The following ARHGEF3 variants were observed in gnomAD, a reference collection of about 807,000 sequenced individuals.
ARHGEF3 encodes Rho guanine nucleotide exchange factor 3.
In ARHGEF3, 28 loss-of-function variants were observed where a neutral mutation model predicts 63.2. That is an observed-to-expected ratio of 0.44 (90% CI 0.33 to 0.61). The LOEUF (loss-of-function observed/expected upper bound fraction) is 0.61, where lower values mean the gene tolerates loss of function less well. Among genes scored for constraint, ARHGEF3 ranks in the 20% least tolerant of loss-of-function variants. ARHGEF3 has a pLI of 0.03. For missense variants in ARHGEF3, 533 were observed against 659.3 expected (o/e 0.81, Z 2.10); for synonymous variants, 266 against 254.2 (o/e 1.05, Z -0.44).
intron 4 of ARHGEF3, among the ~76,000 whole-genome samples, chr3:56,863,821 A>G (rs2040157206): frequency 6.6e-6 from 1 of 152,158 alleles, no homozygotes; most frequent in Non-Finnish European, 1.5e-5. Context: ...GAAAGGACAC[A>G]ATTCATCTAT....
At chr3:56,788,953 C>T (rs373399713) in intron 1 of ARHGEF3, among the ~76,000 whole-genome samples, 1 of 152,198 alleles carries the variant, frequency 6.6e-6, no homozygotes, top group East Asian at 1.9e-4. Flanking sequence ...GGAGCTACCT[C>T]CTAGCAGATG....
chr3:56,800,783 T>C (rs1237255722), intron 1 of ARHGEF3, among the ~76,000 whole-genome samples: 1 of 152,182 alleles, frequency 6.6e-6, no homozygotes, highest in Non-Finnish European at 1.5e-5. Context: ...GATACACGCA[T>C]GAGCGGCAAT....
intron 3 of ARHGEF3, among the ~76,000 whole-genome samples, chr3:56,936,884 T>G (rs1202840472): frequency 6.6e-6 from 1 of 152,178 alleles, no homozygotes; most frequent in Admixed American, 6.5e-5. Flanking sequence ...CAAGCCTGGC[T>G]AATTTTTGTA....
At chr3:57,041,959 C>A (rs113701164) in intron 1 of ARHGEF3, among the ~76,000 whole-genome samples, 2 of 152,132 alleles carry the variant, frequency 1.3e-5, no homozygotes, top group Non-Finnish European at 1.5e-5. Flanking sequence ...CCACCACCCC[C>A]GAGGGCTGAT....
intron 4 of ARHGEF3, among the ~76,000 whole-genome samples, chr3:56,858,486 G>A (rs1246895320): frequency 6.6e-6 from 1 of 152,190 alleles, no homozygotes; most frequent in Non-Finnish European, 1.5e-5. Flanking sequence ...CAAGATGCTA[G>A]AGATTATAAC....
At chr3:56,821,647 A>G (rs1438299971) in intron 4 of ARHGEF3, among the ~76,000 whole-genome samples, 2 of 152,148 alleles carry the variant, frequency 1.3e-5, no homozygotes, top group Admixed American at 1.3e-4. Flanking sequence ...TCTTAGCCCA[A>G]TATCTCTACA....
At chr3:56,738,361 C>T (rs2033782850) in intron 7 of ARHGEF3, among the ~76,000 whole-genome samples, 1 of 151,330 alleles carries the variant, frequency 6.6e-6, no homozygotes, top group Admixed American at 6.6e-5. Flanking sequence ...TTGGTAGAGA[C>T]GGGTTTCACC....
intron 2 of ARHGEF3, among the ~76,000 whole-genome samples, chr3:57,012,066 G>A (rs1702724745): frequency 6.6e-6 from 1 of 152,160 alleles, no homozygotes; most frequent in African/African-American, 2.4e-5. Context: ...CTCCCAACGA[G>A]CTGTGCCAAG....
chr3:56,994,617 C>G (rs1701901578), intron 2 of ARHGEF3, among the ~76,000 whole-genome samples: 1 of 151,740 alleles, frequency 6.6e-6, no homozygotes, highest in East Asian at 1.9e-4. Context: ...TTACCATATG[C>G]CTTAATTGTC....
chr3:56,977,410 T>C, intron 2 of ARHGEF3: 2 of 431,792 alleles, frequency 4.6e-6, no homozygotes, highest in Non-Finnish European at 9.3e-6. Context: ...AGCATTGCCA[T>C]GCTGCCGCCA....
intron 8 of ARHGEF3, among the ~76,000 whole-genome samples, chr3:56,732,755 A>G (rs537708427): frequency 6.6e-5 from 10 of 152,320 alleles, no homozygotes; most frequent in Admixed American, 6.5e-4. Flanking sequence ...CCCAGCTCCT[A>G]TAAGAAAAAA....
At chr3:56,920,215 C>T (rs1051304396) in intron 3 of ARHGEF3, among the ~76,000 whole-genome samples, 2 of 152,168 alleles carry the variant, frequency 1.3e-5, no homozygotes, top group East Asian at 1.9e-4. Flanking sequence ...TATTTATACA[C>T]AGGAAACTAC....
rs1441949789 is a variant in ARHGEF3 at position 56,967,495 on chromosome 3, A to T, written c.63-8606T>A. ...TAATATATTATATAATATATTAAATATATTACATAATATATAATATAATAT... is the reference window on the plus strand; with the variant it reads ...TAATATATTATATAATATATTAAATTTATTACATAATATATAATATAATAT... On this transcript the variant is annotated intron_variant, in intron 2 of 12. Coordinates refer to the ARHGEF3 transcript ENST00000338458. Among the ~76,000 whole-genome samples, 8 of 88,316 alleles carry T rather than the reference A, an allele frequency of 9.1e-5. No individual in the cohort carries two copies. The Admixed American group carries it at 1.7e-3, about 19-fold the overall frequency. 57.9% of individuals were successfully genotyped at this position (88,316 alleles called of 152,430 possible).
At position 56,973,076 on chromosome 3, in the gene ARHGEF3, G is replaced by A. The variant is rs551389534; in HGVS notation, c.63-14187C>T. Among the ~76,000 whole-genome samples the A allele has an allele frequency of 2.0e-5, 3 of 151,852 alleles. No homozygotes were observed. The East Asian group carries it at 5.8e-4, about 29-fold the overall frequency. ...CTGTCGCCCAGGCTGGAGTGCAGTGGTGCGATTTTGGCTCACTATAAGCTC... is the reference window on the plus strand; with the variant it reads ...CTGTCGCCCAGGCTGGAGTGCAGTGATGCGATTTTGGCTCACTATAAGCTC... On this transcript the variant is annotated intron_variant, in intron 2 of 12. Transcript: ENST00000338458.
At chr3:57,027,155 T>C (rs1281739297) in intron 2 of ARHGEF3, among the ~76,000 whole-genome samples, 1 of 152,218 alleles carries the variant, frequency 6.6e-6, no homozygotes, top group East Asian at 1.9e-4. Flanking sequence ...TAAGCATTTC[T>C]TACCACACTG....
intron 4 of ARHGEF3, among the ~76,000 whole-genome samples, chr3:56,842,315 CA>C (rs1371295029): frequency 1.3e-5 from 2 of 152,148 alleles, no homozygotes; most frequent in Admixed American, 6.6e-5. Flanking sequence ...GTCCAGCTAG[CA>C]GATCTTTCTT....
At chr3:57,054,474 A>G (rs1704816081) in intron 1 of ARHGEF3, among the ~76,000 whole-genome samples, 2 of 139,546 alleles carry the variant, frequency 1.4e-5, no homozygotes, top group Non-Finnish European at 1.6e-5. Context: ...TACAAAAAAT[A>G]CGAAAAAAAA....
chr3:56,755,068 C>A lies in ARHGEF3; in HGVS notation c.288G>T (p.Thr96=). The change falls in exon 3 of 10, where the codon ACG becomes ACT. Residue 96 remains threonine, a synonymous_variant. Coordinates refer to ENST00000296315, the MANE Select transcript of ARHGEF3 (RefSeq NM_019555.3). The part of the protein sequence containing the change: ...PWSRNAAPSS[T]KRRDSKLWSE... ...TCCACAGCTTGCTATCTCTCCGTTT[C>A]GTGCTCGAGGGGGCGGCATTTCTGG... 2 of 1,614,130 alleles carry A rather than the reference C, an allele frequency of 1.2e-6. No homozygotes were observed. Among genetic ancestry groups the A allele is most frequent in the Non-Finnish European group, 1.7e-6 (2 of 1,180,024 alleles).
chr3:56,743,002 C>T (rs1195671144), intron 7 of ARHGEF3, among the ~76,000 whole-genome samples: 1 of 152,158 alleles, frequency 6.6e-6, no homozygotes, highest in African/African-American at 2.4e-5. Flanking sequence ...TCCCATGCTT[C>T]AAAAAAGTCA....
Sources: allele counts gnomAD v4.1 joint callset (sites outside exome capture counted in the v4.1 genomes callset), GRCh38; gene constraint gnomAD v4.1.1; transcripts MANE v1.5; gene names NCBI Gene and HGNC (gene_info 2026-07-23, HGNC 2026-07-21).